The following TBC1D32 variants were observed in gnomAD, a reference collection of about 807,000 sequenced individuals.
TBC1D32 encodes the protein protein broad-minded.
Under a neutral mutation model 170.3 loss-of-function variants are expected in TBC1D32, and 151 were observed. The observed-to-expected ratio is 0.89, with a 90% CI of 0.78 to 1.01. The LOEUF is 1.01. Among genes scored for constraint, TBC1D32 ranks in the 50% least tolerant of loss-of-function variants. The pLI, the probability that TBC1D32 is intolerant of heterozygous loss-of-function variation, is 0.00. For synonymous variants in TBC1D32, 498 were observed against 488.0 expected (o/e 1.02, Z -0.27); for missense variants, 1,464 against 1,457.1 (o/e 1.00, Z -0.08).
chr6:121,290,473 T>G (rs955331464), intron 12 of TBC1D32, among the ~76,000 whole-genome samples: 1 of 151,832 alleles, frequency 6.6e-6, no homozygotes, highest in Non-Finnish European at 1.5e-5. Flanking sequence ...CCAGTTAGAA[T>G]GGCGATCATT....
chr6:121,268,861 A>G (rs896279820), intron 15 of TBC1D32, among the ~76,000 whole-genome samples: 1 of 152,170 alleles, frequency 6.6e-6, no homozygotes, highest in Non-Finnish European at 1.5e-5. Flanking sequence ...GCAGCCAGAG[A>G]TAAAGGTCGG....
intron 30 of TBC1D32, among the ~76,000 whole-genome samples, chr6:121,092,303 T>G (rs996890845): frequency 1.4e-5 from 2 of 142,652 alleles, no homozygotes; most frequent in Admixed American, 7.0e-5. Context: ...GTTTTTTTTT[T>G]TTTTTTTTTT....
At chr6:121,195,721 G>A (rs187977516) in intron 22 of TBC1D32, among the ~76,000 whole-genome samples, 3 of 152,290 alleles carry the variant, frequency 2.0e-5, no homozygotes, top group Non-Finnish European at 2.9e-5. Context: ...GTTGACAGAG[G>A]AAGGGAAGAC....
At chr6:121,241,386 T>C in intron 19 of TBC1D32, 79 bp downstream of exon 19, 1 of 1,174,670 alleles carries the variant, frequency 8.5e-7, no homozygotes, top group Non-Finnish European at 1.2e-6. Context: ...GATACTTAAT[T>C]GTGCCAGTTA....
intron 26 of TBC1D32, among the ~76,000 whole-genome samples, chr6:121,117,987 C>T (rs534763817): frequency 5.0e-4 from 76 of 152,084 alleles, no homozygotes; most frequent in African/African-American, 1.4e-3. Flanking sequence ...TAAAAATGGA[C>T]GTCTTCAGAG....
chr6:121,264,790 C>A (rs116013342), intron 15 of TBC1D32, among the ~76,000 whole-genome samples: 30 of 152,172 alleles, frequency 2.0e-4, no homozygotes, highest in Non-Finnish European at 2.5e-4. Context: ...TAATTCATCA[C>A]GTAAACAGAA....
At chr6:121,149,743 C>G (rs1346881677) in intron 24 of TBC1D32, among the ~76,000 whole-genome samples, 3 of 152,044 alleles carry the variant, frequency 2.0e-5, no homozygotes, top group South Asian at 2.1e-4. Flanking sequence ...TATACGGGCT[C>G]TCTATCGGTT....
At chr6:121,242,782 G>T (rs1195348121) in intron 17 of TBC1D32, among the ~76,000 whole-genome samples, 1 of 151,750 alleles carries the variant, frequency 6.6e-6, no homozygotes, top group African/African-American at 2.4e-5. Context: ...ATTTTCATAG[G>T]TGTTAATTTA....
chr6:121,120,286 A>G (rs1780122804), intron 26 of TBC1D32, among the ~76,000 whole-genome samples: 1 of 152,042 alleles, frequency 6.6e-6, no homozygotes, highest in South Asian at 2.1e-4. Flanking sequence ...GACATCTGAG[A>G]TCTCACTCGG....
intron 17 of TBC1D32, among the ~76,000 whole-genome samples, chr6:121,243,637 C>CTTTTCAAGCAGACAGATTTTT (rs1797249303): frequency 6.6e-6 from 1 of 151,692 alleles, no homozygotes; most frequent in Admixed American, 6.6e-5. Flanking sequence ...AATATATTGT[C>CTTTTCAAGCAGACAGATTTTT]TTTTCAAGCA....
chr6:121,117,798 T>C (rs1779844676), intron 26 of TBC1D32, among the ~76,000 whole-genome samples: 1 of 152,190 alleles, frequency 6.6e-6, no homozygotes, highest in Admixed American at 6.6e-5. Context: ...ATATCATTGA[T>C]ACACAATGAT....
chr6:121,112,439 C>T (rs1779281609), intron 29 of TBC1D32, 66 bp downstream of exon 29: 2 of 1,353,628 alleles, frequency 1.5e-6, no homozygotes, highest in Admixed American at 2.5e-5. Flanking sequence ...AATTATGCCC[C>T]AGTGAATGTA....
intron 26 of TBC1D32, among the ~76,000 whole-genome samples, chr6:121,123,762 CT>C (rs1468020044): frequency 2.0e-5 from 3 of 151,776 alleles, no homozygotes; most frequent in Admixed American, 2.0e-4. Context: ...CATTTTAATA[CT>C]TGTTTACTAG....
intron 12 of TBC1D32, among the ~76,000 whole-genome samples, chr6:121,291,387 T>C (rs1305717391): frequency 2.6e-5 from 4 of 152,172 alleles, no homozygotes; most frequent in African/African-American, 9.6e-5. Flanking sequence ...AAAAGCAGTA[T>C]GTGGTCAAAA....
chr6:121,186,828 G>A (rs937515775), intron 22 of TBC1D32, among the ~76,000 whole-genome samples: 3 of 151,992 alleles, frequency 2.0e-5, no homozygotes, highest in Admixed American at 6.6e-5. Context: ...CATTTTTGTT[G>A]TGGAAGGAAA....
At chr6:121,279,946 T>C (rs1802756383) in intron 14 of TBC1D32, among the ~76,000 whole-genome samples, 1 of 151,936 alleles carries the variant, frequency 6.6e-6, no homozygotes, top group Non-Finnish European at 1.5e-5. Flanking sequence ...CCTGCATGGA[T>C]GCCAACACAC....
At chr6:121,288,235 A>G (rs1804209699) in intron 12 of TBC1D32, among the ~76,000 whole-genome samples, 1 of 152,198 alleles carries the variant, frequency 6.6e-6, no homozygotes, top group African/African-American at 2.4e-5. Context: ...GAAAAGATCA[A>G]CAAAATTGAT....
At chr6:121,106,882 G>A (rs1192039842) in intron 29 of TBC1D32, among the ~76,000 whole-genome samples, 1 of 151,404 alleles carries the variant, frequency 6.6e-6, no homozygotes, top group Non-Finnish European at 1.5e-5. Flanking sequence ...TTTCAATTTA[G>A]TTCTTAGGCA....
In TBC1D32 at chr6:121,283,809, C is replaced by G; in HGVS notation, c.1465+9G>C. ...TATATTTCTCTATTTAAAATAGAAA[C>G]AGAATTACCTGAATGGGCAGCTGAT... is the stretch of plus-strand genomic sequence containing the variant. On this transcript the variant is annotated intron_variant, in intron 13 of 31. Transcript: ENST00000398212. The G allele has an allele frequency of 6.3e-7, 1 of 1,577,770 alleles. No individual in the cohort carries two copies. Among genetic ancestry groups the G allele is most frequent in the Non-Finnish European group, 8.7e-7 (1 of 1,152,236 alleles).
Sources: allele counts gnomAD v4.1 joint callset (sites outside exome capture counted in the v4.1 genomes callset), GRCh38; gene constraint gnomAD v4.1.1; transcripts MANE v1.5; gene names NCBI Gene and HGNC (gene_info 2026-07-23, HGNC 2026-07-21).